The following SNTG1 variants were observed in gnomAD, a reference collection of about 807,000 sequenced individuals.
The protein encoded by SNTG1 is gamma-1-syntrophin.
In SNTG1, 39 loss-of-function variants were observed where a neutral mutation model predicts 74.7. The ratio of observed to expected loss-of-function variants is 0.52; its 90% confidence interval spans 0.40 to 0.68. SNTG1 has a LOEUF of 0.68. Ranked by LOEUF, SNTG1 falls within the 30% of genes least tolerant of loss-of-function variation. SNTG1 has a pLI of 0.00. For synonymous variants in SNTG1, 254 were observed against 217.1 expected, an observed-to-expected ratio of 1.17 and a Z score of -1.49; for missense variants, 685 against 609.5, an observed-to-expected ratio of 1.12 and a Z score of -1.30.
intron 13 of SNTG1, among the ~76,000 whole-genome samples, chr8:50,604,941 G>C (rs751304640): frequency 1.3e-5 from 2 of 152,136 alleles, no homozygotes; most frequent in African/African-American, 4.8e-5. Context: ...AGGGCCCAAA[G>C]GTTCTTTAGT....
intron 1 of SNTG1, among the ~76,000 whole-genome samples, chr8:49,939,340 G>C (rs1300276120): frequency 6.6e-6 from 1 of 152,198 alleles, no homozygotes; most frequent in African/African-American, 2.4e-5. Flanking sequence ...CTCATCTATA[G>C]CTTGTCTATT....
At chr8:50,369,749 C>T (rs1197626884) in intron 2 of SNTG1, among the ~76,000 whole-genome samples, 1 of 152,168 alleles carries the variant, frequency 6.6e-6, no homozygotes, top group Non-Finnish European at 1.5e-5. Flanking sequence ...GGACTTCCAG[C>T]CTCCAGAACT....
Position 50,283,212 on chromosome 8 carries a change from T to C in SNTG1, c.-28+110577T>C, listed in dbSNP as rs546208372. ...AGTCTCATATAATTAATTTCTGTTG[T>C]GCTTAATCTTGGGTTAGCAATTTTA... On this transcript the variant is annotated intron_variant, in intron 2 of 18. Transcript: ENST00000642720. 9.2e-5 allele frequency among the ~76,000 whole-genome samples: 14 copies of C among 152,318 alleles called. No individual in the cohort carries two copies. In the East Asian group the frequency reaches 2.7e-3, roughly 29 times the overall value.
intron 2 of SNTG1, among the ~76,000 whole-genome samples, chr8:50,179,022 T>G (rs1263355348): frequency 6.6e-6 from 1 of 152,222 alleles, no homozygotes; most frequent in Non-Finnish European, 1.5e-5. Context: ...TTGTGTGTTG[T>G]ATAAGAGTCC....
chr8:50,129,411 G>A (rs1324693251), intron 1 of SNTG1, among the ~76,000 whole-genome samples: 1 of 152,064 alleles, frequency 6.6e-6, no homozygotes, highest in Non-Finnish European at 1.5e-5. Flanking sequence ...AAACTTTTTG[G>A]TTTAAAGCCA....
intron 13 of SNTG1, among the ~76,000 whole-genome samples, chr8:50,637,359 A>G (rs2095045731): frequency 6.6e-6 from 1 of 152,096 alleles, no homozygotes; most frequent in South Asian, 2.1e-4. Flanking sequence ...TGCAGAAAAA[A>G]TGTCCCACGA....
At chr8:49,929,357 A>T (rs1011088125) in intron 1 of SNTG1, among the ~76,000 whole-genome samples, 1 of 152,216 alleles carries the variant, frequency 6.6e-6, no homozygotes, top group Non-Finnish European at 1.5e-5. Context: ...CCTCTTACTC[A>T]ATGGTACTTG....
chr8:50,388,587 A>G (rs753516758), intron 2 of SNTG1, among the ~76,000 whole-genome samples: 2 of 152,218 alleles, frequency 1.3e-5, no homozygotes, highest in Non-Finnish European at 2.9e-5. Context: ...ATCACTGTGT[A>G]TATGACTAAC....
chr8:50,372,621 G>A (rs1400124312), intron 2 of SNTG1, among the ~76,000 whole-genome samples: 1 of 152,118 alleles, frequency 6.6e-6, no homozygotes, highest in East Asian at 1.9e-4. Flanking sequence ...AATGTCTGCT[G>A]TGTGTCAAGC....
chr8:50,416,495 G>A (rs566141797), intron 4 of SNTG1, among the ~76,000 whole-genome samples: 1 of 152,076 alleles, frequency 6.6e-6, no homozygotes, highest in African/African-American at 2.4e-5. Context: ...AACAATAGTG[G>A]TGATTTATTT....
At chr8:50,026,934 C>T (rs999121366) in intron 1 of SNTG1, among the ~76,000 whole-genome samples, 6 of 152,158 alleles carry the variant, frequency 3.9e-5, no homozygotes, top group African/African-American at 1.2e-4. Flanking sequence ...AATGTGCTTG[C>T]TTGACAGTGC....
chr8:50,481,074 A>C (rs1232728061), intron 8 of SNTG1, among the ~76,000 whole-genome samples: 1 of 152,208 alleles, frequency 6.6e-6, no homozygotes, highest in Admixed American at 6.5e-5. Context: ...AATAGTTTGA[A>C]GGCAAAGCTG....
chr8:50,023,897 C>T (rs1817039716), intron 1 of SNTG1, among the ~76,000 whole-genome samples: 1 of 152,102 alleles, frequency 6.6e-6, no homozygotes, highest in Non-Finnish European at 1.5e-5. Flanking sequence ...GCCTTCTGAC[C>T]ATCAACCATG....
intron 8 of SNTG1, among the ~76,000 whole-genome samples, chr8:50,489,154 C>T (rs1413475814): frequency 6.6e-6 from 1 of 152,184 alleles, no homozygotes; most frequent in African/African-American, 2.4e-5. Context: ...ATATGTGCCA[C>T]ATTTTCTTTA....
At chr8:50,573,611 T>C (rs2094560866) in intron 12 of SNTG1, among the ~76,000 whole-genome samples, 1 of 151,866 alleles carries the variant, frequency 6.6e-6, no homozygotes, top group South Asian at 2.1e-4. Context: ...ATATAGTTTA[T>C]AAATTTTAGT....
At chr8:50,380,737 C>A (rs1210893214) in intron 2 of SNTG1, among the ~76,000 whole-genome samples, 3 of 152,126 alleles carry the variant, frequency 2.0e-5, no homozygotes, top group African/African-American at 4.8e-5. Context: ...GTGTTTGTCT[C>A]ATTTTATTTT....
At chr8:50,010,991 G>A (rs7829734) in intron 1 of SNTG1, among the ~76,000 whole-genome samples, 7,823 of 151,824 alleles carry the variant, frequency 0.052, 660 homozygotes, top group African/African-American at 0.18. Flanking sequence ...TATACCACTT[G>A]ACTTACTGTG....
At chr8:50,458,560 G>T (rs2093529779) in intron 8 of SNTG1, among the ~76,000 whole-genome samples, 1 of 151,724 alleles carries the variant, frequency 6.6e-6, no homozygotes, top group Non-Finnish European at 1.5e-5. Context: ...ATTATCAAAA[G>T]AATAATACAA....
intron 18 of SNTG1, among the ~76,000 whole-genome samples, chr8:50,789,462 C>T (rs1324403146): frequency 1.3e-5 from 2 of 151,984 alleles, no homozygotes; most frequent in Admixed American, 6.6e-5. Flanking sequence ...TATGTGCTGA[C>T]AGAAGCTGAA....
Sources: allele counts gnomAD v4.1 joint callset (sites outside exome capture counted in the v4.1 genomes callset), GRCh38; gene constraint gnomAD v4.1.1; transcripts MANE v1.5; gene names NCBI Gene and HGNC (gene_info 2026-07-23, HGNC 2026-07-21).